The following RBFOX1 variants were observed in gnomAD, a reference collection of about 807,000 sequenced individuals.
RBFOX1 encodes the protein RNA binding fox-1 homolog 1.
RBFOX1 carries 8 observed loss-of-function variants against 57.7 expected under a neutral mutation model. The observed-to-expected ratio is 0.14, with a 90% confidence interval of 0.08 to 0.25. The LOEUF is 0.25. RBFOX1 is among the 10% of genes least tolerant of loss of function. The probability of loss-of-function intolerance (pLI) is 1.00; values close to 1 mark genes in which losing one functional copy is unlikely to be tolerated. For missense variants in RBFOX1, 611 were observed against 548.5 expected, an observed-to-expected ratio of 1.11 and a Z score of -1.14; for synonymous variants, 326 against 222.4, an observed-to-expected ratio of 1.47 and a Z score of -4.15.
rs771235923 is a variant in RBFOX1, at chr16:6,411,135, A to G, written c.-64+94078A>G. 3.3e-5 allele frequency among the ~76,000 whole-genome samples: 5 copies of G among 152,154 alleles called. No individual in the cohort carries two copies. In the East Asian group the frequency reaches 7.7e-4, roughly 23 times the overall value. On this transcript the variant is annotated intron_variant, in intron 2 of 15. Coordinates refer to ENST00000550418, the MANE Select transcript of RBFOX1 (RefSeq NM_018723.4). Reference sequence around the variant, plus strand: ...TGGGAATACAGGTGCAACCCATCACATATGGCCAATTGTTTTTAAATTTTT... The same window carrying G: ...TGGGAATACAGGTGCAACCCATCACGTATGGCCAATTGTTTTTAAATTTTT...
intron 4 of RBFOX1, among the ~76,000 whole-genome samples, chr16:5,948,921 C>A (rs185902487): frequency 6.6e-6 from 1 of 152,322 alleles, no homozygotes; most frequent in East Asian, 1.9e-4. Flanking sequence ...GTACATTACA[C>A]AACAACAGAT....
intron 14 of RBFOX1, among the ~76,000 whole-genome samples, chr16:7,690,428 C>T (rs376683281): frequency 1.1e-4 from 17 of 152,056 alleles, no homozygotes; most frequent in Non-Finnish European, 1.8e-4. Context: ...TAGAAGTGCA[C>T]CAATTATTTA....
At chr16:6,640,204 G>C (rs1452360637) in intron 2 of RBFOX1, among the ~76,000 whole-genome samples, 2 of 152,168 alleles carry the variant, frequency 1.3e-5, no homozygotes, top group South Asian at 2.1e-4. Context: ...AAATATTATG[G>C]TGAATTATTT....
At chr16:6,135,432 G>A (rs1427936464) in intron 1 of RBFOX1, among the ~76,000 whole-genome samples, 1 of 152,170 alleles carries the variant, frequency 6.6e-6, no homozygotes, top group African/African-American at 2.4e-5. Flanking sequence ...TTTTAATGAG[G>A]AAGAGTGGTG....
chr16:7,168,532 C>T (rs768933215), intron 4 of RBFOX1, among the ~76,000 whole-genome samples: 4 of 152,114 alleles, frequency 2.6e-5, no homozygotes, highest in Non-Finnish European at 5.9e-5. Flanking sequence ...AGAAAACCTT[C>T]AATTAAGTTG....
intron 1 of RBFOX1, among the ~76,000 whole-genome samples, chr16:6,116,216 C>T (rs1003403500): frequency 2.0e-5 from 3 of 148,176 alleles, no homozygotes; most frequent in Non-Finnish European, 4.4e-5. Flanking sequence ...GGGAGTTGAA[C>T]AATGAGAACA....
chr16:6,642,567 A>G (rs919381395), intron 2 of RBFOX1, among the ~76,000 whole-genome samples: 1 of 152,038 alleles, frequency 6.6e-6, no homozygotes, highest in Non-Finnish European at 1.5e-5. Flanking sequence ...TGAGATATGG[A>G]AGCCTCTTGT....
chr16:6,579,406 T>C (rs2097499947), intron 2 of RBFOX1, among the ~76,000 whole-genome samples: 1 of 152,180 alleles, frequency 6.6e-6, no homozygotes, highest in Middle Eastern at 3.4e-3. Flanking sequence ...AAATCTCATC[T>C]TGAATTGTAG....
intron 3 of RBFOX1, among the ~76,000 whole-genome samples, chr16:6,679,622 CA>C (rs1473718022): frequency 2.0e-5 from 3 of 152,116 alleles, no homozygotes; most frequent in Non-Finnish European, 4.4e-5. Flanking sequence ...AAGGGTCTAA[CA>C]TTTTTTTGAG....
Position 6,205,149 on chromosome 16 carries a change from T to C in RBFOX1, c.-126-111846T>C, listed in dbSNP as rs2097246068. On this transcript the variant is annotated intron_variant, in intron 1 of 15. Coordinates refer to ENST00000550418, the MANE Select transcript of RBFOX1 (RefSeq NM_018723.4). ...TTATTGGGCTTAAATTGCATTAGTG[T>C]GCTAGCAATTTGTCTACCATTGGAA... is the stretch of plus-strand genomic sequence containing the variant. 2.6e-5 allele frequency among the ~76,000 whole-genome samples: 4 copies of C among 152,324 alleles called. No individual in the cohort carries two copies. In the South Asian group the frequency reaches 8.3e-4, roughly 32 times the overall value.
At chr16:6,442,892 T>C (rs2094413943) in intron 2 of RBFOX1, among the ~76,000 whole-genome samples, 1 of 152,202 alleles carries the variant, frequency 6.6e-6, no homozygotes, top group Non-Finnish European at 1.5e-5. Flanking sequence ...AAAATGATTG[T>C]GTGTTTGCCA....
At chr16:6,765,650 C>G (rs1212749821) in intron 3 of RBFOX1, among the ~76,000 whole-genome samples, 1 of 152,144 alleles carries the variant, frequency 6.6e-6, no homozygotes, top group Non-Finnish European at 1.5e-5. Flanking sequence ...CTACCCAATA[C>G]TGGGTCTCTA....
rs368262825 is a variant in RBFOX1, at chr16:6,818,600, T to C, written c.-16+163950T>C. Among the ~76,000 whole-genome samples, 23 of 152,330 alleles carry C rather than the reference T, an allele frequency of 1.5e-4. No individual in the cohort carries two copies. In the South Asian group the frequency reaches 4.8e-3, roughly 32 times the overall value. On this transcript the variant is annotated intron_variant, in intron 3 of 15. Transcript: ENST00000550418. The stretch of plus-strand genomic sequence containing the variant: ...TGCTATGGCACTCTCATTTAACCTC[T>C]AGTAGGGCATGTATCACTCAGCACC...
chr16:6,912,541 G>T (rs1032409552), intron 3 of RBFOX1, among the ~76,000 whole-genome samples: 2 of 151,886 alleles, frequency 1.3e-5, no homozygotes, highest in African/African-American at 4.8e-5. Context: ...TGAGATTTAG[G>T]TTTAAATTCT....
At chr16:7,200,145 C>G (rs1470442432) in intron 4 of RBFOX1, among the ~76,000 whole-genome samples, 4 of 152,152 alleles carry the variant, frequency 2.6e-5, no homozygotes, top group African/African-American at 9.7e-5. Flanking sequence ...TTGTTCTGGG[C>G]TACAAATTGG....
At chr16:7,227,533 A>G (rs903469905) in intron 4 of RBFOX1, among the ~76,000 whole-genome samples, 2 of 152,202 alleles carry the variant, frequency 1.3e-5, no homozygotes, top group African/African-American at 4.8e-5. Flanking sequence ...CTTCAGACGC[A>G]GTGGTTTCCC....
intron 4 of RBFOX1, among the ~76,000 whole-genome samples, chr16:7,493,967 T>C (rs148448207): frequency 1.1e-4 from 16 of 152,330 alleles, no homozygotes; most frequent in Admixed American, 4.6e-4. Flanking sequence ...AACAATTTCT[T>C]AGTTATTTGA....
chr16:6,821,646 C>T (rs1347209672), intron 3 of RBFOX1, among the ~76,000 whole-genome samples: 4 of 152,160 alleles, frequency 2.6e-5, no homozygotes, highest in African/African-American at 9.7e-5. Context: ...CAACACGTGG[C>T]CTTTTTCATC....
At chr16:5,414,575 C>T (rs531641251) in intron 1 of RBFOX1, among the ~76,000 whole-genome samples, 35 of 152,248 alleles carry the variant, frequency 2.3e-4, no homozygotes, top group African/African-American at 8.4e-4. Flanking sequence ...TCATAGGCAT[C>T]GTGGGTTGGT....
Sources: allele counts gnomAD v4.1 joint callset (sites outside exome capture counted in the v4.1 genomes callset), GRCh38; gene constraint gnomAD v4.1.1; transcripts MANE v1.5; gene names NCBI Gene and HGNC (gene_info 2026-07-23, HGNC 2026-07-21).